The following PIK3C2B variants were observed in gnomAD, a reference collection of about 807,000 sequenced individuals.
PIK3C2B encodes phosphatidylinositol 4-phosphate 3-kinase C2 domain-containing subunit beta.
In PIK3C2B, 83 loss-of-function variants were observed where a neutral mutation model predicts 184.3. That is an observed-to-expected ratio of 0.45 (90% CI 0.38 to 0.54). The LOEUF (loss-of-function observed/expected upper bound fraction) is 0.54. PIK3C2B is among the 20% of genes least tolerant of loss of function. The probability of loss-of-function intolerance (pLI) is 0.00; values close to 1 mark genes in which losing one functional copy is unlikely to be tolerated. For synonymous variants in PIK3C2B, 779 were observed against 837.6 expected, an observed-to-expected ratio of 0.93 and a Z score of 1.21; for missense variants, 1,736 against 2,113.5, an observed-to-expected ratio of 0.82 and a Z score of 3.50.
At chr1:204,485,846 C>T (rs1657544095) in intron 1 of PIK3C2B, among the ~76,000 whole-genome samples, 1 of 151,670 alleles carries the variant, frequency 6.6e-6, no homozygotes. Context: ...GCTAGGATTA[C>T]AGCCGTGAGC....
At chr1:204,475,465 T>A (rs1656639994) in intron 1 of PIK3C2B, among the ~76,000 whole-genome samples, 1 of 152,170 alleles carries the variant, frequency 6.6e-6, no homozygotes, top group Non-Finnish European at 1.5e-5. Context: ...AACTGGAATG[T>A]CAGGGCAGAA....
At chr1:204,464,338 C>G (rs1463417769) in intron 4 of PIK3C2B, 112 bp downstream of exon 4, 6 of 1,202,476 alleles carry the variant, frequency 5.0e-6, no homozygotes, top group South Asian at 1.4e-5. Context: ...AAAGGAGCAT[C>G]CTCACTGCCC....
At chr1:204,432,449 T>A (rs568652881) in intron 26 of PIK3C2B, 48 bp from the exon 27 acceptor site, 1 of 1,497,268 alleles carries the variant, frequency 6.7e-7, no homozygotes, top group Non-Finnish European at 9.3e-7. Context: ...CCCAAATTCC[T>A]GCTGCCTCGA....
At chr1:204,457,927 C>T (rs941772652) in intron 8 of PIK3C2B, 53 bp from the exon 9 acceptor site, 1 of 1,538,448 alleles carries the variant, frequency 6.5e-7, no homozygotes, top group Non-Finnish European at 8.9e-7. Context: ...TGCTCTTGGT[C>T]TCCAACCCCT....
intron 10 of PIK3C2B, chr1:204,456,309 A>G: frequency 2.9e-6 from 1 of 344,078 alleles, no homozygotes. Flanking sequence ...TTAGCATTAA[A>G]ATGTCCTTTC....
chr1:204,484,516 C>T (rs1050324873), intron 1 of PIK3C2B, among the ~76,000 whole-genome samples: 6 of 152,190 alleles, frequency 3.9e-5, no homozygotes, highest in African/African-American at 1.2e-4. Context: ...GGGCGGATCA[C>T]GAGGTCATGA....
chr1:204,427,834 G>A (rs1001351462), intron 30 of PIK3C2B, 80 bp from the exon 31 acceptor site: 4 of 945,656 alleles, frequency 4.2e-6, no homozygotes, highest in Non-Finnish European at 6.8e-6. Context: ...CCTTGCCCCA[G>A]CCTCTCCATG....
At chr1:204,489,340 A>G (rs1657850712) in intron 1 of PIK3C2B, among the ~76,000 whole-genome samples, 3 of 151,808 alleles carry the variant, frequency 2.0e-5, no homozygotes, top group South Asian at 2.1e-4. Context: ...AATTGTTTTT[A>G]TTTTTATTTT....
chr1:204,477,351 A>T (rs1252899954), intron 1 of PIK3C2B, among the ~76,000 whole-genome samples: 1 of 152,154 alleles, frequency 6.6e-6, no homozygotes, highest in Non-Finnish European at 1.5e-5. Flanking sequence ...AACTCTCAGG[A>T]AGACAAGAAG....
intron 7 of PIK3C2B, 27 bp downstream of exon 7, chr1:204,460,297 C>G (rs1462773697): frequency 6.4e-7 from 1 of 1,559,602 alleles, no homozygotes; most frequent in East Asian, 2.2e-5. Flanking sequence ...TTGTTTGGAG[C>G]ACATCCAAGA....
chr1:204,454,017 C>T (rs1293004740), intron 12 of PIK3C2B, among the ~76,000 whole-genome samples: 5 of 151,756 alleles, frequency 3.3e-5, no homozygotes, highest in Admixed American at 6.6e-5. Context: ...TCAGGTGATC[C>T]GCCCGCCTCG....
At chr1:204,443,629 A>C in intron 18 of PIK3C2B, 32 bp from the exon 19 acceptor site, 2 of 1,603,864 alleles carry the variant, frequency 1.2e-6, no homozygotes, top group Non-Finnish European at 1.7e-6. Context: ...GAGTCAGGGC[A>C]CTCCAGGGAT....
chr1:204,456,903 CACACCCACACACACACACACA>C lies in PIK3C2B; in HGVS notation c.1747+113_1747+133del, dbSNP rs1654903394. ...ACACACACACACACACACACACACA[CACACCCACACACACACACACA>C]CCAGCCGAACTCCGACACATAAATC... On this transcript the variant is annotated intron_variant, in intron 10 of 32. Coordinates refer to ENST00000684373, the MANE Select transcript of PIK3C2B (RefSeq NM_001377334.1). 986 of 160,830 alleles carry C rather than the reference CACACCCACACACACACACACA, an allele frequency of 6.1e-3. 9 individuals are homozygous for C. The highest frequency in any genetic ancestry group is 0.025 in the African/African-American group (841 of 34,302). The allele number at this position is 160,830 out of a possible 1,614,324, so 10.0% of individuals were successfully genotyped here. A position where few individuals can be genotyped will look rare whatever the true frequency, so the allele number is the denominator to read the frequency against.
Position 204,464,118 on chromosome 1 carries a change from C to G in PIK3C2B, c.1204G>C (p.Asp402His). 6.2e-7 allele frequency: 1 copy of G among 1,614,106 alleles called. No individual in the cohort carries two copies. Among genetic ancestry groups the G allele is most frequent in the East Asian group, 2.2e-5 (1 of 44,888 alleles). ...TFTCNCSSTV[D>H]LLIYQTLCYT... The stretch of plus-strand genomic sequence containing the variant: ...CACAGGGTCTGGTAGATAAGCAAGT[C>G]TACAGTGGAGGAACCTGTGAAGGGT... Residue 402 changes from aspartate to histidine, a missense_variant, in exon 5 of 33, where the codon GAC becomes CAC. Around this residue, in one of 8 missense-constraint regions of PIK3C2B, gnomAD observed 609 missense variants for 699.2 expected, o/e 0.87. Transcript: ENST00000684373.
chr1:204,428,115 A>G (rs1158910293), intron 30 of PIK3C2B, 24 bp downstream of exon 30: 9 of 1,430,800 alleles, frequency 6.3e-6, no homozygotes, highest in Non-Finnish European at 8.9e-6. Context: ...AGTTGGCAGT[A>G]AGGTCTCAGA....
intron 1 of PIK3C2B, among the ~76,000 whole-genome samples, chr1:204,476,337 C>T (rs1319516857): frequency 6.6e-6 from 1 of 151,924 alleles, no homozygotes; most frequent in African/African-American, 2.4e-5. Flanking sequence ...TTTGGGAAGC[C>T]GAGGCGGGGG....
intron 1 of PIK3C2B, among the ~76,000 whole-genome samples, chr1:204,476,417 G>A (rs973950417): frequency 6.6e-6 from 1 of 152,150 alleles, no homozygotes; most frequent in Non-Finnish European, 1.5e-5. Context: ...GTGGTGGCAT[G>A]GACCTATAGT....
intron 1 of PIK3C2B, among the ~76,000 whole-genome samples, chr1:204,479,397 A>T (rs1656956003): frequency 6.6e-6 from 1 of 151,794 alleles, no homozygotes; most frequent in Non-Finnish European, 1.5e-5. Flanking sequence ...TCCCAGGATG[A>T]CCTCCCCTGA....
rs146474885 is a variant in PIK3C2B, at chr1:204,487,018, G to A, written c.-85+7338C>T. Among the ~76,000 whole-genome samples the A allele has an allele frequency of 8.7e-3, 1,322 of 152,286 alleles. 22 individuals are homozygous for A. Among genetic ancestry groups the A allele is most frequent in the African/African-American group, 0.029 (1,197 of 41,554 alleles). The stretch of plus-strand genomic sequence containing the variant: ...AGACAGGGTTTCATTATGTTAGCCA[G>A]GCTGGTCTTGAACTCCTGACCTCAG... On this transcript the variant is annotated intron_variant, in intron 1 of 32. Transcript: ENST00000684373.
Sources: allele counts gnomAD v4.1 joint callset (sites outside exome capture counted in the v4.1 genomes callset), GRCh38; gene constraint gnomAD v4.1.1; regional missense constraint gnomAD v4.1.1; transcripts MANE v1.5; gene names NCBI Gene and HGNC (gene_info 2026-07-23, HGNC 2026-07-21).